PRTFDC1: variants seen among roughly 807,000 people sequenced by gnomAD.
PRTFDC1 encodes the protein phosphoribosyl transferase domain containing 1, also known as phosphoribosyltransferase domain-containing protein 1.
PRTFDC1 carries 38 observed loss-of-function variants against 34.6 expected under a neutral mutation model. That is an observed-to-expected ratio of 1.10 (90% confidence interval 0.85 to 1.44). PRTFDC1 has a LOEUF of 1.44. Ranked by LOEUF, PRTFDC1 falls within the 40% of genes most tolerant of loss-of-function variation. PRTFDC1 has a pLI of 0.00. For synonymous variants in PRTFDC1, 93 were observed against 98.1 expected, an observed-to-expected ratio of 0.95 and a Z score of 0.31; for missense variants, 270 against 283.0, an observed-to-expected ratio of 0.95 and a Z score of 0.33.
At position 24,944,346 on chromosome 10, in the gene PRTFDC1, G is replaced by A. The variant is rs557368356; in HGVS notation, c.49-1910C>T. On this transcript the variant is annotated intron_variant, in intron 1 of 8. Transcript: ENST00000320152. ...CGAAATTTATCCAGGACTACCTCTCGGCACCTCCACTGCTATTCCCCCACC... is the reference window on the plus strand; with the variant it reads ...CGAAATTTATCCAGGACTACCTCTCAGCACCTCCACTGCTATTCCCCCACC... Among the ~76,000 whole-genome samples the A allele has an allele frequency of 3.3e-5, 5 of 152,108 alleles. No homozygotes were observed. The East Asian group carries it at 5.8e-4, about 18-fold the overall frequency.
At position 24,849,875 on chromosome 10, in the gene PRTFDC1, T is replaced by G. The variant is rs747735071; in HGVS notation, c.647A>C (p.Asn216Thr). The change falls in exon 9 of 9, where the codon AAT becomes ACT. Residue 216 changes from asparagine to threonine, a missense_variant. Asn to Thr is a moderately conservative substitution (Grantham distance 65). Transcript: ENST00000320152. ...FRDLNHICVI[N>T]EHGKEKYRV ...TCGATATTTTTCTTTACCGTGCTCA[T>G]TGATGACGCATATGTGCTGAAACAA... 6.2e-7 allele frequency: 1 copy of G among 1,614,024 alleles called. No individual in the cohort carries two copies. Among genetic ancestry groups the G allele is most frequent in the South Asian group, 1.1e-5 (1 of 91,062 alleles).
chr10:24,937,641 T>C, intron 2 of PRTFDC1, among the ~76,000 whole-genome samples: 1 of 146,638 alleles, frequency 6.8e-6, no homozygotes, highest in African/African-American at 2.5e-5. Flanking sequence ...CACTGCAACC[T>C]CCACCTCCTG....
chr10:24,946,062 T>G (rs181926921), intron 1 of PRTFDC1, among the ~76,000 whole-genome samples: 1 of 152,246 alleles, frequency 6.6e-6, no homozygotes, highest in East Asian at 1.9e-4. Context: ...CCAGACCACA[T>G]GTACTATCTA....
intron 6 of PRTFDC1, among the ~76,000 whole-genome samples, chr10:24,856,292 G>GA (rs1222999278): frequency 1.1e-3 from 152 of 132,966 alleles, no homozygotes; most frequent in Non-Finnish European, 1.4e-3. Flanking sequence ...GAATAAAAAA[G>GA]AAAAAAAAAA....
intron 3 of PRTFDC1, among the ~76,000 whole-genome samples, chr10:24,875,276 C>A (rs573292632): frequency 1.3e-5 from 2 of 152,078 alleles, no homozygotes; most frequent in African/African-American, 2.4e-5. Flanking sequence ...ACATTTAAAT[C>A]CTCTTTTAGC....
intron 3 of PRTFDC1, among the ~76,000 whole-genome samples, chr10:24,898,463 C>A (rs1390085919): frequency 7.4e-3 from 722 of 97,788 alleles, no homozygotes; most frequent in South Asian, 0.012. Flanking sequence ...GACCCTGTCT[C>A]AAAAAAAAAA....
At chr10:24,930,677 C>T (rs1398408968) in intron 3 of PRTFDC1, among the ~76,000 whole-genome samples, 1 of 152,136 alleles carries the variant, frequency 6.6e-6, no homozygotes, top group African/African-American at 2.4e-5. Context: ...AGATCCACCA[C>T]TTACATGCTG....
intron 3 of PRTFDC1, chr10:24,908,162 C>T: frequency 9.7e-6 from 2 of 207,068 alleles, no homozygotes; most frequent in South Asian, 2.4e-4. Flanking sequence ...ACACCAAAGT[C>T]CCCCAGGGCC....
chr10:24,898,469 A>AG, intron 3 of PRTFDC1, among the ~76,000 whole-genome samples: 1 of 150,512 alleles, frequency 6.6e-6, no homozygotes, highest in Non-Finnish European at 1.5e-5. Context: ...GTCTCAAAAA[A>AG]AAAAAAAAAA....
At chr10:24,886,248 C>T (rs1204253810) in intron 3 of PRTFDC1, among the ~76,000 whole-genome samples, 1 of 152,130 alleles carries the variant, frequency 6.6e-6, no homozygotes, top group African/African-American at 2.4e-5. Flanking sequence ...AAATCCTGTA[C>T]CTCCCAGACA....
chr10:24,883,840 T>A lies in PRTFDC1; in HGVS notation c.340-11777A>T, dbSNP rs976828733. Among the ~76,000 whole-genome samples the A allele has an allele frequency of 2.2e-3, 231 of 106,174 alleles. 2 individuals carry two copies. Among genetic ancestry groups the A allele is most frequent in the African/African-American group, 5.5e-3 (146 of 26,568 alleles). The allele number at this position is 106,174 out of a possible 152,430, so 69.7% of individuals were successfully genotyped here. A position where few individuals can be genotyped will look rare whatever the true frequency, so the allele number is the denominator to read the frequency against. Reference sequence around the variant, plus strand: ...GACCTTTTTTTTTTTTTTTTTTTTTTATAAGACAGAATCTCACTGTGTTAC... The same window carrying A: ...GACCTTTTTTTTTTTTTTTTTTTTTAATAAGACAGAATCTCACTGTGTTAC... On this transcript the variant is annotated intron_variant, in intron 3 of 8. Coordinates refer to ENST00000320152, the MANE Select transcript of PRTFDC1 (RefSeq NM_020200.7).
At chr10:24,925,703 C>T (rs1848861369) in intron 3 of PRTFDC1, among the ~76,000 whole-genome samples, 1 of 152,182 alleles carries the variant, frequency 6.6e-6, no homozygotes, top group South Asian at 2.1e-4. Context: ...AACACATACA[C>T]TTTCTTGTGG....
intron 3 of PRTFDC1, among the ~76,000 whole-genome samples, chr10:24,878,550 C>T (rs1419346616): frequency 1.3e-5 from 2 of 152,136 alleles, no homozygotes; most frequent in African/African-American, 4.8e-5. Context: ...TGTGGATTTA[C>T]TTAAATACAA....
chr10:24,924,586 A>T (rs1405967421), intron 3 of PRTFDC1, among the ~76,000 whole-genome samples: 4 of 152,232 alleles, frequency 2.6e-5, no homozygotes, highest in Non-Finnish European at 5.9e-5. Context: ...ACAAAGGGCT[A>T]ATATCCAGAA....
At chr10:24,869,599 G>T (rs1189607003) in intron 4 of PRTFDC1, among the ~76,000 whole-genome samples, 2 of 152,162 alleles carry the variant, frequency 1.3e-5, no homozygotes, top group African/African-American at 4.8e-5. Flanking sequence ...TGGTTATTTG[G>T]TGTTATGCCA....
At chr10:24,904,503 G>C (rs905606080) in intron 3 of PRTFDC1, among the ~76,000 whole-genome samples, 1 of 152,122 alleles carries the variant, frequency 6.6e-6, no homozygotes, top group Admixed American at 6.5e-5. Flanking sequence ...TAGTCTTTGG[G>C]ACAGCATGTC....
Position 24,942,368 on chromosome 10 carries a change from C to T in PRTFDC1, c.117G>A (p.Leu39=), listed in dbSNP as rs1849175529. The T allele has an allele frequency of 6.2e-7, 1 of 1,613,606 alleles. No individual in the cohort carries two copies. The highest frequency in any genetic ancestry group is 8.5e-7 in the Non-Finnish European group (1 of 1,179,642). ...TACCATGAGGGATGAGGACATACTC[C>T]AAGTCTCCATAATAGTGCTGTGGGT... ...FTYPQHYYGD[L]EYVLIPHGII... is the part of the protein sequence containing the mutation. Residue 39 remains leucine, a synonymous_variant, in exon 2 of 9, where the codon TTG becomes TTA. Transcript: ENST00000320152.
chr10:24,849,790 G>C lies in PRTFDC1; in HGVS notation c.*54C>G. ...ACAAACTTGACAGCTGGCTTCCCAAGTACAGGCGTAAATATGATGCTATCT... is the reference window on the plus strand; with the variant it reads ...ACAAACTTGACAGCTGGCTTCCCAACTACAGGCGTAAATATGATGCTATCT... On this transcript the variant is annotated 3_prime_UTR_variant, in exon 9 of 9. Coordinates refer to ENST00000320152, the MANE Select transcript of PRTFDC1 (RefSeq NM_020200.7). 6.4e-7 allele frequency: 1 copy of C among 1,571,334 alleles called. No homozygotes were observed. The highest frequency in any genetic ancestry group is 1.7e-5 in the Admixed American group (1 of 59,806).
At chr10:24,914,197 T>C (rs571802620) in intron 3 of PRTFDC1, among the ~76,000 whole-genome samples, 5 of 152,278 alleles carry the variant, frequency 3.3e-5, no homozygotes, top group Admixed American at 6.5e-5. Context: ...CAAGTAAACA[T>C]TGTTTTAGGA....
Sources: gnomAD v4.1 joint callset for allele counts (sites outside exome capture counted in the v4.1 genomes callset) on GRCh38, gnomAD v4.1.1 for gene constraint, MANE v1.5 for transcripts, NCBI Gene and HGNC (gene_info 2026-07-23, HGNC 2026-07-21) for gene names.